Variants in PADI4 observed in about 807,000 individuals in gnomAD.
The protein encoded by PADI4 is protein-arginine deiminase type-4.
Under a neutral mutation model 75.0 loss-of-function variants are expected in PADI4, and 62 were observed. The ratio of observed to expected loss-of-function variants is 0.83; its 90% confidence interval spans 0.67 to 1.02. The LOEUF is 1.02. PADI4 is among the 50% of genes least tolerant of loss of function. The pLI is 0.00. For synonymous variants in PADI4, 361 were observed against 348.1 expected, an observed-to-expected ratio of 1.04 and a Z score of -0.41; for missense variants, 845 against 850.5, an observed-to-expected ratio of 0.99 and a Z score of 0.08.
In PADI4 at chr1:17,331,018, G is replaced by C; in HGVS notation, c.142G>C (p.Val48Leu). 1 of 1,605,332 alleles carries C rather than the reference G, an allele frequency of 6.2e-7. No homozygotes were observed. The highest frequency in any genetic ancestry group is 8.5e-7 in the Non-Finnish European group (1 of 1,176,178). ...TSFSINASPG[V>L]VVDIAHGPPA... is the part of the protein sequence containing the mutation. ...CTTCAGCATCAACGCCTCCCCAGGG[G>C]TGGTCGTGGATATTGCCCACGGCCC... Residue 48 changes from valine to leucine, a missense_variant, in exon 2 of 16, where the codon GTG becomes CTG. Physicochemically the swap from Val to Leu is conservative, Grantham distance 32. Coordinates refer to ENST00000375448, the MANE Select transcript of PADI4 (RefSeq NM_012387.3).
At chr1:17,323,977 C>T (rs995310615) in intron 1 of PADI4, among the ~76,000 whole-genome samples, 1 of 152,174 alleles carries the variant, frequency 6.6e-6, no homozygotes, top group Admixed American at 6.5e-5. Context: ...AATTTATTAG[C>T]TATTCTTTTG....
Position 17,308,216 on chromosome 1 carries a change from C to T in PADI4, c.-7C>T, listed in dbSNP as rs918238909. 3.1e-6 allele frequency: 5 copies of T among 1,613,518 alleles called. No individual in the cohort carries two copies. The highest frequency in any genetic ancestry group is 4.2e-6 in the Non-Finnish European group (5 of 1,179,596). ...TCCTACAGCCAGAGGGACGAGCTAG[C>T]CCGACGATGGCCCAGGGGACATTGA... On this transcript the variant is annotated 5_prime_UTR_variant, in exon 1 of 16. Coordinates refer to ENST00000375448, the MANE Select transcript of PADI4 (RefSeq NM_012387.3).
chr1:17,315,318 G>A lies in PADI4; in HGVS notation c.92+7004G>A, dbSNP rs570152549. Among the ~76,000 whole-genome samples the A allele has an allele frequency of 2.6e-5, 4 of 152,316 alleles. No homozygotes were observed. The South Asian group carries it at 6.2e-4, about 24-fold the overall frequency. On this transcript the variant is annotated intron_variant, in intron 1 of 15. Coordinates refer to ENST00000375448, the MANE Select transcript of PADI4 (RefSeq NM_012387.3). ...GTGTGTTTTAAGGGAAACTATGCCT[G>A]TCACACAGGAGGTGCTATTTAAGTG...
At chr1:17,318,472 C>T (rs551770847) in intron 1 of PADI4, among the ~76,000 whole-genome samples, 4 of 152,254 alleles carry the variant, frequency 2.6e-5, no homozygotes, top group South Asian at 2.1e-4. Flanking sequence ...AGTGTCAGGA[C>T]GGGAGAAGGT....
intron 11 of PADI4, among the ~76,000 whole-genome samples, chr1:17,354,991 A>C (rs1398064526): frequency 6.6e-6 from 1 of 152,230 alleles, no homozygotes; most frequent in East Asian, 1.9e-4. Flanking sequence ...CCACTACTCT[A>C]GTAGGGAAAC....
At chr1:17,342,533 G>C (rs1298509798) in intron 8 of PADI4, 131 bp downstream of exon 8, 1 of 632,096 alleles carries the variant, frequency 1.6e-6, no homozygotes, top group Non-Finnish European at 2.8e-6. Context: ...CTTGTTGGGG[G>C]CTCTAAAAAG....
In PADI4 at chr1:17,332,772, C is replaced by G. The variant is rs72916866; in HGVS notation, c.274-1171C>G. 8.5e-3 allele frequency among the ~76,000 whole-genome samples: 1,299 copies of G among 152,224 alleles called. 25 individuals are homozygous for G. Among genetic ancestry groups the G allele is most frequent in the African/African-American group, 0.03 (1,227 of 41,530 alleles). On this transcript the variant is annotated intron_variant, in intron 2 of 15. Transcript: ENST00000375448. ...CAGAACCAGCCAAGCAGGCTTCTCC[C>G]TGGGGGAACACAGAGCTTGACTATC...
rs2074604076 is a variant in PADI4 at position 17,350,870 on chromosome 1, A to G, written c.1155+2822A>G. Among the ~76,000 whole-genome samples the G allele has an allele frequency of 4.7e-5, 6 of 128,728 alleles. 2 individuals carry two copies. The South Asian group carries it at 1.8e-3, about 38-fold the overall frequency. 84.5% of individuals were successfully genotyped at this position (128,728 alleles called of 152,430 possible). A position where few individuals can be genotyped will look rare whatever the true frequency, so the allele number is the denominator to read the frequency against. On this transcript the variant is annotated intron_variant, in intron 10 of 15. Coordinates refer to ENST00000375448, the MANE Select transcript of PADI4 (RefSeq NM_012387.3). The stretch of plus-strand genomic sequence containing the variant: ...ACAATGAATAGAACAAAGCAGTTAT[A>G]TGGTTCCTTAGAAGGGGATGTCAAG...
chr1:17,341,989 G>T lies in PADI4; in HGVS notation c.699G>T (p.Trp233Cys). 6.2e-7 allele frequency: 1 copy of T among 1,614,036 alleles called. No homozygotes were observed. Among genetic ancestry groups the T allele is most frequent in the South Asian group, 1.1e-5 (1 of 91,072 alleles). ...SKCSVVLGPKWPSHYLMVPGG... is the reference protein window; with the variant it reads ...SKCSVVLGPKCPSHYLMVPGG... The stretch of plus-strand genomic sequence containing the variant: ...GCAGCGTAGTCTTGGGTCCCAAGTG[G>T]CCCTCTCACTACCTGATGGTCCCCG... The change falls in exon 7 of 16, where the codon TGG becomes TGT. Residue 233 changes from tryptophan (W) to cysteine (C), a missense_variant. Transcript: ENST00000375448.
At position 17,348,007 on chromosome 1, in the gene PADI4, AG is replaced by A. The variant is rs748323346; in HGVS notation, c.1116del (p.Asn373ThrfsTer4). 2.6e-5 allele frequency: 42 copies of A among 1,612,232 alleles called. No homozygotes were observed. The highest frequency in any genetic ancestry group is 3.3e-5 in the Admixed American group (2 of 59,940). On this transcript the variant is annotated frameshift_variant, in exon 10 of 16. Coordinates refer to ENST00000375448, the MANE Select transcript of PADI4 (RefSeq NM_012387.3). LOFTEE classifies it high-confidence loss of function. ...GCTGCCCGTGGTCTTCGACTCTCCAAGGAACAGAGGCCTGAAGGAGTTTCCC... is the reference window on the plus strand; with the variant it reads ...GCTGCCCGTGGTCTTCGACTCTCCAAGAACAGAGGCCTGAAGGAGTTTCCC... The part of the protein sequence containing the change: ...KTLPVVFDSP[R>X]NRGLKEFPIK...
intron 1 of PADI4, among the ~76,000 whole-genome samples, chr1:17,311,252 G>C (rs973436710): frequency 5.9e-5 from 9 of 151,882 alleles, no homozygotes; most frequent in Non-Finnish European, 1.0e-4. Flanking sequence ...AACAGAGTGA[G>C]ACTCTGTCTC....
At position 17,353,585 on chromosome 1, in the gene PADI4, G is replaced by A. The variant is rs1398647932; in HGVS notation, c.1156-948G>A. Among the ~76,000 whole-genome samples the A allele has an allele frequency of 8.5e-5, 13 of 152,252 alleles. No homozygotes were observed. The South Asian group carries it at 2.5e-3, about 29-fold the overall frequency. On this transcript the variant is annotated intron_variant, in intron 10 of 15. Transcript: ENST00000375448. ...GGCTAGATGTACCCTCTCCTGGGAGGCAGGGGAGATGGGCGGTGGACTGAA... is the reference window on the plus strand; with the variant it reads ...GGCTAGATGTACCCTCTCCTGGGAGACAGGGGAGATGGGCGGTGGACTGAA...
intron 4 of PADI4, 52 bp downstream of exon 4, chr1:17,336,278 C>T (rs1281119617): frequency 6.8e-7 from 1 of 1,465,952 alleles, no homozygotes; most frequent in Non-Finnish European, 9.6e-7. Flanking sequence ...TCTCCCCGGG[C>T]GCCCCCTTGT....
intron 1 of PADI4, among the ~76,000 whole-genome samples, chr1:17,329,461 T>C (rs2074172079): frequency 6.6e-6 from 1 of 152,218 alleles, no homozygotes; most frequent in East Asian, 1.9e-4. Context: ...ACATGTATTA[T>C]ATACTGTGGT....
intron 3 of PADI4, chr1:17,334,859 C>T (rs551659427): frequency 5.4e-4 from 147 of 274,702 alleles, no homozygotes; most frequent in African/African-American, 3.3e-3. Flanking sequence ...ATATAAGTAG[C>T]AGCCAGACAT....
At chr1:17,324,254 T>C (rs1350493866) in intron 1 of PADI4, among the ~76,000 whole-genome samples, 3 of 151,034 alleles carry the variant, frequency 2.0e-5, no homozygotes, top group South Asian at 4.3e-4. Flanking sequence ...TTTTCACCAA[T>C]TGAGTGGGTA....
intron 2 of PADI4, among the ~76,000 whole-genome samples, chr1:17,331,821 G>A (rs1320233493): frequency 6.6e-6 from 1 of 152,174 alleles, no homozygotes; most frequent in African/African-American, 2.4e-5. Flanking sequence ...AGGAGGCTGA[G>A]GCAGGAGAAT....
At chr1:17,340,708 G>A (rs1164645691) in intron 6 of PADI4, among the ~76,000 whole-genome samples, 2 of 151,788 alleles carry the variant, frequency 1.3e-5, no homozygotes, top group African/African-American at 4.8e-5. Flanking sequence ...GAAGGAGATG[G>A]AGAGCGCCAT....
chr1:17,333,284 C>G (rs1163318166), intron 2 of PADI4, among the ~76,000 whole-genome samples: 1 of 152,032 alleles, frequency 6.6e-6, no homozygotes, highest in Admixed American at 6.5e-5. Flanking sequence ...GGTCCGAGCA[C>G]CTCCGCGTGG....
Sources: gnomAD v4.1 joint callset for allele counts (sites outside exome capture counted in the v4.1 genomes callset) on GRCh38, gnomAD v4.1.1 for gene constraint, MANE v1.5 for transcripts, NCBI Gene and HGNC (gene_info 2026-07-23, HGNC 2026-07-21) for gene names.